The following FARP1 variants were observed in gnomAD, a reference collection of about 807,000 sequenced individuals.
The protein encoded by FARP1 is FERM, ARH/RhoGEF and pleckstrin domain protein 1.
FARP1 carries 52 observed loss-of-function variants against 128.8 expected under a neutral mutation model. That is an observed-to-expected ratio of 0.40 (90% CI 0.32 to 0.51). FARP1 has a LOEUF of 0.51. Ranked by LOEUF, FARP1 falls within the 20% of genes least tolerant of loss-of-function variation. The pLI, the probability that FARP1 is intolerant of heterozygous loss-of-function variation, is 0.45. For synonymous variants in FARP1, 580 were observed against 551.8 expected, an observed-to-expected ratio of 1.05 and a Z score of -0.72; for missense variants, 1,333 against 1,367.9, an observed-to-expected ratio of 0.97 and a Z score of 0.40.
rs146044806 is a variant in FARP1, at chr13:98,452,720, G to A, written c.*4403G>A. 1.0e-3 allele frequency: 160 copies of A among 156,366 alleles called. 1 individual carries two copies. The Middle Eastern group carries it at 0.023, about 23-fold the overall frequency. The allele number at this position is 156,366 out of a possible 1,614,324, so 9.7% of individuals were successfully genotyped here. ...CCTTATGCACGCCGAAAGGGTTTCC[G>A]TAAAAATGACATTATATACAAATCT... On this transcript the variant is annotated 3_prime_UTR_variant, in exon 27 of 27. Coordinates refer to ENST00000319562, the MANE Select transcript of FARP1 (RefSeq NM_005766.4).
chr13:98,446,737 C>T lies in FARP1; in HGVS notation c.2976C>T (p.Ile992=), dbSNP rs761894624. 4 of 1,614,150 alleles carry T rather than the reference C, an allele frequency of 2.5e-6. No individual in the cohort carries two copies. Among genetic ancestry groups the T allele is most frequent in the Non-Finnish European group, 3.4e-6 (4 of 1,180,006 alleles). ...SLTIPSESEN[I]QKDYVFKLHF... is the part of the protein sequence containing the mutation. ...CCATCCCCTCTGAGTCCGAGAACAT[C>T]CAGAAAGACTACGTGTTCAAGCTGC... The change falls in exon 26 of 27, where the codon ATC becomes ATT. Residue 992 remains isoleucine (I), a synonymous_variant. Transcript: ENST00000319562.
At chr13:98,312,517 TA>T (rs1414474679) in intron 2 of FARP1, among the ~76,000 whole-genome samples, 2 of 152,158 alleles carry the variant, frequency 1.3e-5, no homozygotes, top group Non-Finnish European at 2.9e-5. Flanking sequence ...GTATTCAAGA[TA>T]GAGAAAAGAT....
chr13:98,143,770 G>C (rs1317994895), intron 1 of FARP1, among the ~76,000 whole-genome samples: 5 of 151,698 alleles, frequency 3.3e-5, no homozygotes, highest in Non-Finnish European at 7.4e-5. Context: ...TCGGGCTGCG[G>C]GGCTCCGCGC....
At chr13:98,290,685 G>A (rs1351716056) in intron 2 of FARP1, among the ~76,000 whole-genome samples, 2 of 152,164 alleles carry the variant, frequency 1.3e-5, no homozygotes, top group African/African-American at 4.8e-5. Context: ...ACCAATGGCG[G>A]TGGCTTTGAG....
intron 1 of FARP1, among the ~76,000 whole-genome samples, chr13:98,167,923 A>G (rs112589860): frequency 0.03 from 4,519 of 151,300 alleles, 212 homozygotes; most frequent in African/African-American, 0.1. Flanking sequence ...CTGTAATCCC[A>G]GCACTTTGGG....
chr13:98,268,581 C>T (rs1168215774), intron 2 of FARP1, among the ~76,000 whole-genome samples: 1 of 152,206 alleles, frequency 6.6e-6, no homozygotes, highest in East Asian at 1.9e-4. Flanking sequence ...GATTCTCCTG[C>T]GTCAGCCTCC....
chr13:98,298,542 C>T (rs1358293238), intron 2 of FARP1, among the ~76,000 whole-genome samples: 1 of 152,100 alleles, frequency 6.6e-6, no homozygotes, highest in Non-Finnish European at 1.5e-5. Flanking sequence ...TTTCCCCTTA[C>T]CTGTGGCTTT....
chr13:98,442,578 C>G (rs1413104354), intron 24 of FARP1, among the ~76,000 whole-genome samples: 1 of 152,200 alleles, frequency 6.6e-6, no homozygotes, highest in Non-Finnish European at 1.5e-5. Flanking sequence ...CTCCTGACAG[C>G]CCAGGTGTGA....
chr13:98,280,396 T>A (rs1482839441), intron 2 of FARP1, among the ~76,000 whole-genome samples: 6 of 152,158 alleles, frequency 3.9e-5, no homozygotes, highest in Non-Finnish European at 8.8e-5. Context: ...TCCTGAGCAG[T>A]TCTGCCAGGC....
intron 2 of FARP1, among the ~76,000 whole-genome samples, chr13:98,337,288 G>A (rs868789067): frequency 4.6e-5 from 7 of 152,102 alleles, no homozygotes; most frequent in African/African-American, 1.7e-4. Flanking sequence ...TGGGAGGATC[G>A]CTTGAGCCCA....
rs752700862 is a variant in FARP1 at position 98,437,755 on chromosome 13, G to A, written c.2275-1049G>A. 2.5e-5 allele frequency: 34 copies of A among 1,338,846 alleles called. 1 individual carries two copies. The highest frequency in any genetic ancestry group is 2.2e-4 in the South Asian group (19 of 85,876). 82.9% of individuals were successfully genotyped at this position (1,338,846 alleles called of 1,614,324 possible). On this transcript the variant is annotated intron_variant, in intron 19 of 26. Transcript: ENST00000319562. ...CCGCTTTGTCTTTTTGCTTTCTCTC[G>A]GTCCCACCAGCCTGGCTCCTTTTCC...
intron 1 of FARP1, among the ~76,000 whole-genome samples, chr13:98,194,862 G>T (rs1332176959): frequency 1.3e-5 from 2 of 152,170 alleles, no homozygotes; most frequent in Non-Finnish European, 2.9e-5. Flanking sequence ...TCAGTGGCGG[G>T]TATCTACTGA....
Position 98,448,924 on chromosome 13 carries a change from A to G in FARP1, c.*607A>G, listed in dbSNP as rs1270702555. The stretch of plus-strand genomic sequence containing the variant: ...CTGCGGGGTTTCACGCTCACCTGAA[A>G]ACACCTGTTCCCAACCTACTTCTTG... On this transcript the variant is annotated 3_prime_UTR_variant, in exon 27 of 27. Coordinates refer to ENST00000319562, the MANE Select transcript of FARP1 (RefSeq NM_005766.4). 6.6e-6 allele frequency: 1 copy of G among 152,188 alleles called. No homozygotes were observed. The highest frequency in any genetic ancestry group is 1.5e-5 in the Non-Finnish European group (1 of 68,060). 9.4% of individuals were successfully genotyped at this position (152,188 alleles called of 1,614,324 possible).
Position 98,176,591 on chromosome 13 carries a change from C to T in FARP1, c.-24+33099C>T, listed in dbSNP as rs755576786. ...CACCCGAGCTTGTAATCGGAACGGT[C>T]GTGGAGGAATTTGCAGCTGTCCCCG... On this transcript the variant is annotated intron_variant, in intron 1 of 26. Coordinates refer to ENST00000319562, the MANE Select transcript of FARP1 (RefSeq NM_005766.4). This position sits in a 1 kb window ranked among gnomAD's most constrained non-coding sequence, Gnocchi z 6.2. 6 of 1,614,196 alleles carry T rather than the reference C, an allele frequency of 3.7e-6. No individual in the cohort carries two copies. Among genetic ancestry groups the T allele is most frequent in the Admixed American group, 3.3e-5 (2 of 60,024 alleles).
In FARP1 at chr13:98,453,423, C is replaced by A; in HGVS notation, c.*5106C>A. 2 of 557,370 alleles carry A rather than the reference C, an allele frequency of 3.6e-6. No individual in the cohort carries two copies. The highest frequency in any genetic ancestry group is 6.2e-6 in the Non-Finnish European group (2 of 321,234). 34.5% of individuals were successfully genotyped at this position (557,370 alleles called of 1,614,324 possible). On this transcript the variant is annotated 3_prime_UTR_variant, in exon 27 of 27. Coordinates refer to ENST00000319562, the MANE Select transcript of FARP1 (RefSeq NM_005766.4). ...TACACAAAAACTCCAGAGCATGTCACCAAAAACCAAGAATGGGTTCAGCCT... is the reference window on the plus strand; with the variant it reads ...TACACAAAAACTCCAGAGCATGTCAACAAAAACCAAGAATGGGTTCAGCCT...
intron 1 of FARP1, among the ~76,000 whole-genome samples, chr13:98,181,682 T>C (rs1232014885): frequency 6.6e-6 from 1 of 150,556 alleles, no homozygotes; most frequent in Non-Finnish European, 1.5e-5. Context: ...TGCCCAGGGG[T>C]GTGTGGCGCA....
intron 5 of FARP1, among the ~76,000 whole-genome samples, chr13:98,370,062 G>A (rs2139982153): frequency 6.6e-6 from 1 of 152,350 alleles, no homozygotes; most frequent in Non-Finnish European, 1.5e-5. Context: ...GATAATATCA[G>A]ATAGCGGCAA....
chr13:98,215,091 A>G (rs1880980239), intron 2 of FARP1, among the ~76,000 whole-genome samples: 2 of 152,170 alleles, frequency 1.3e-5, no homozygotes, highest in Admixed American at 1.3e-4. Flanking sequence ...GACTGTGCTC[A>G]CCTGCAGTTC....
At chr13:98,177,106 C>G (rs750394007) in intron 1 of FARP1, 23 of 1,600,916 alleles carry the variant, frequency 1.4e-5, no homozygotes, top group Non-Finnish European at 1.9e-5. Context: ...GCTGCTCTCT[C>G]CGTGCTCGGG....
Sources: allele counts gnomAD v4.1 joint callset (sites outside exome capture counted in the v4.1 genomes callset), GRCh38; gene constraint gnomAD v4.1.1; non-coding constraint Gnocchi (gnomAD v3.1); transcripts MANE v1.5; gene names NCBI Gene and HGNC (gene_info 2026-07-23, HGNC 2026-07-21).